Variants in KIRREL3 observed in about 807,000 individuals in gnomAD.
The protein encoded by KIRREL3 is kirre like nephrin family adhesion molecule 3, also known as kin of IRRE-like protein 3.
In KIRREL3, 36 loss-of-function variants were observed where a neutral mutation model predicts 89.7. That is an observed-to-expected ratio of 0.40 (90% CI 0.31 to 0.53). The LOEUF is 0.53. Among genes scored for constraint, KIRREL3 ranks in the 20% least tolerant of loss-of-function variants. The pLI, the probability that KIRREL3 is intolerant of heterozygous loss-of-function variation, is 0.49. For synonymous variants in KIRREL3, 445 were observed against 441.4 expected (o/e 1.01, Z -0.10); for missense variants, 864 against 1,056.6 (o/e 0.82, Z 2.53).
At chr11:126,618,930 A>G (rs1943467254) in intron 1 of KIRREL3, among the ~76,000 whole-genome samples, 1 of 152,198 alleles carries the variant, frequency 6.6e-6, no homozygotes, top group Non-Finnish European at 1.5e-5. Flanking sequence ...AGGAATATTT[A>G]ATACGTGTCC....
At chr11:126,728,482 C>T (rs1344893048) in intron 1 of KIRREL3, among the ~76,000 whole-genome samples, 1 of 152,110 alleles carries the variant, frequency 6.6e-6, no homozygotes, top group African/African-American at 2.4e-5. Context: ...TTACTCACTG[C>T]TTTATTCCCA....
rs1941397355 is a variant in KIRREL3, at chr11:126,578,934, T to C, written c.56-16022A>G. 1.3e-5 allele frequency among the ~76,000 whole-genome samples: 2 copies of C among 152,114 alleles called. No homozygotes were observed. The highest frequency in any genetic ancestry group is 4.1e-4 in the South Asian group (2 of 4,824). ...CTCTCTCACTTATCCTCACCATGCC[T>C]AGAGATGGGACTTTGTCTCCATGTG... On this transcript the variant is annotated intron_variant, in intron 1 of 16. Coordinates refer to ENST00000525144, the MANE Select transcript of KIRREL3 (RefSeq NM_032531.4). The surrounding 1 kb of genome is among the most constrained non-coding windows in gnomAD (Gnocchi z 4.9).
chr11:126,651,194 G>A lies in KIRREL3; in HGVS notation c.56-88282C>T, dbSNP rs148425205. Among the ~76,000 whole-genome samples the A allele has an allele frequency of 2.0e-5, 3 of 152,328 alleles. No individual in the cohort carries two copies. The highest frequency in any genetic ancestry group is 7.2e-5 in the African/African-American group (3 of 41,582). On this transcript the variant is annotated intron_variant, in intron 1 of 16. Coordinates refer to ENST00000525144, the MANE Select transcript of KIRREL3 (RefSeq NM_032531.4). The surrounding 1 kb of genome is among the most constrained non-coding windows in gnomAD (Gnocchi z 4.6). Reference sequence around the variant, plus strand: ...AAAGAACTGCAATCCACGTCTAAATGAGAAAATGGTTCCTTGCTATAGGAT... The same window carrying A: ...AAAGAACTGCAATCCACGTCTAAATAAGAAAATGGTTCCTTGCTATAGGAT...
chr11:126,495,968 A>T lies in KIRREL3; in HGVS notation c.434-22502T>A, dbSNP rs558214844. ...CAGATCATCCTTTCTCAGTATCTGC[A>T]CTGCTACTACCCCAGCGCTCCAGCC... On this transcript the variant is annotated intron_variant, in intron 4 of 16. Transcript: ENST00000525144. This position sits in a 1 kb window ranked among gnomAD's most constrained non-coding sequence, Gnocchi z 6.5. 1.3e-5 allele frequency among the ~76,000 whole-genome samples: 2 copies of T among 152,272 alleles called. No individual in the cohort carries two copies. Among genetic ancestry groups the T allele is most frequent in the South Asian group, 2.1e-4 (1 of 4,826 alleles).
chr11:126,741,694 T>C (rs1425991097), intron 1 of KIRREL3, among the ~76,000 whole-genome samples: 1 of 152,242 alleles, frequency 6.6e-6, no homozygotes, highest in Non-Finnish European at 1.5e-5. Flanking sequence ...GAGAGATCCC[T>C]AAGTGGAGAG....
Position 126,611,111 on chromosome 11 carries a change from G to A in KIRREL3, c.56-48199C>T, listed in dbSNP as rs1024770505. Among the ~76,000 whole-genome samples the A allele has an allele frequency of 6.6e-6, 1 of 152,182 alleles. No individual in the cohort carries two copies. The highest frequency in any genetic ancestry group is 2.4e-5 in the African/African-American group (1 of 41,440). On this transcript the variant is annotated intron_variant, in intron 1 of 16. Coordinates refer to ENST00000525144, the MANE Select transcript of KIRREL3 (RefSeq NM_032531.4). The surrounding 1 kb of genome is among the most constrained non-coding windows in gnomAD (Gnocchi z 4.7). Reference sequence around the variant, plus strand: ...AAATCTGACTCCACTCCTGAGCTGTGTGACTTTGGGGAAGTTCCTCAACTG... The same window carrying A: ...AAATCTGACTCCACTCCTGAGCTGTATGACTTTGGGGAAGTTCCTCAACTG...
rs1948239243 is a variant in KIRREL3 at position 126,723,038 on chromosome 11, A to AGAT, written c.56-160127_56-160126insATC. Among the ~76,000 whole-genome samples, 1 of 151,972 alleles carries AGAT rather than the reference A, an allele frequency of 6.6e-6. No homozygotes were observed. The highest frequency in any genetic ancestry group is 6.6e-5 in the Admixed American group (1 of 15,234). ...TGGCCTTTCTTCATCTATTCCTCTTACAGTCTTCTGTGGCTGCACATAGTG... is the reference window on the plus strand; with the variant it reads ...TGGCCTTTCTTCATCTATTCCTCTTAGATCAGTCTTCTGTGGCTGCACATAGTG... On this transcript the variant is annotated intron_variant, in intron 1 of 16. Transcript: ENST00000525144. The surrounding 1 kb of genome is among the most constrained non-coding windows in gnomAD (Gnocchi z 4.0).
chr11:126,661,074 C>T (rs982119675), intron 1 of KIRREL3, among the ~76,000 whole-genome samples: 2 of 152,000 alleles, frequency 1.3e-5, no homozygotes, highest in Admixed American at 6.5e-5. Context: ...GGTGAAATAC[C>T]CCAAATAGAT....
In KIRREL3 at chr11:126,606,184, T is replaced by G. The variant is rs1330134856; in HGVS notation, c.56-43272A>C. Among the ~76,000 whole-genome samples, 1 of 152,218 alleles carries G rather than the reference T, an allele frequency of 6.6e-6. No individual in the cohort carries two copies. Among genetic ancestry groups the G allele is most frequent in the Non-Finnish European group, 1.5e-5 (1 of 68,036 alleles). Reference sequence around the variant, plus strand: ...AAGCTCTTAGCAGGCACCCAGCATCTAAAGCACTCAAATCAGAGTCACTAG... The same window carrying G: ...AAGCTCTTAGCAGGCACCCAGCATCGAAAGCACTCAAATCAGAGTCACTAG... On this transcript the variant is annotated intron_variant, in intron 1 of 16. Transcript: ENST00000525144. This position sits in a 1 kb window ranked among gnomAD's most constrained non-coding sequence, Gnocchi z 4.6.
In KIRREL3 at chr11:126,576,992, T is replaced by C. The variant is rs1565565127; in HGVS notation, c.56-14080A>G. Among the ~76,000 whole-genome samples, 1 of 152,160 alleles carries C rather than the reference T, an allele frequency of 6.6e-6. No individual in the cohort carries two copies. Among genetic ancestry groups the C allele is most frequent in the East Asian group, 1.9e-4 (1 of 5,186 alleles). ...TGAGAAAACTGAGGCTGAGAGAGGC[T>C]CAAGGGCTCCCATAACTGAAGACCC... On this transcript the variant is annotated intron_variant, in intron 1 of 16. Coordinates refer to ENST00000525144, the MANE Select transcript of KIRREL3 (RefSeq NM_032531.4). This position sits in a 1 kb window ranked among gnomAD's most constrained non-coding sequence, Gnocchi z 5.4.
In KIRREL3 at chr11:126,896,893, A is replaced by C. The variant is rs1259084836; in HGVS notation, c.55+103562T>G. On this transcript the variant is annotated intron_variant, in intron 1 of 16. Coordinates refer to ENST00000525144, the MANE Select transcript of KIRREL3 (RefSeq NM_032531.4). The surrounding 1 kb of genome is among the most constrained non-coding windows in gnomAD (Gnocchi z 4.1). ...ATCATGTGCTTCACACGCAGTGGGG[A>C]TCTTAACAGGCATTGCCATTTCTTT... Among the ~76,000 whole-genome samples the C allele has an allele frequency of 6.6e-6, 1 of 151,994 alleles. No individual in the cohort carries two copies. Among genetic ancestry groups the C allele is most frequent in the Non-Finnish European group, 1.5e-5 (1 of 68,020 alleles).
chr11:126,452,852 G>A (rs932851432), intron 7 of KIRREL3, among the ~76,000 whole-genome samples: 1 of 152,196 alleles, frequency 6.6e-6, no homozygotes, highest in South Asian at 2.1e-4. Context: ...TCGCCCAGCC[G>A]GTCTTTCTTC....
rs1275561239 is a variant in KIRREL3, at chr11:126,569,539, T to TA, written c.56-6628_56-6627insT. ...CAAGAGAAAAAAATAGTAGGCAAAC[T>TA]TCCTAGCCCAAAGATACTATAATCC... On this transcript the variant is annotated intron_variant, in intron 1 of 16. Coordinates refer to ENST00000525144, the MANE Select transcript of KIRREL3 (RefSeq NM_032531.4). This position sits in a 1 kb window ranked among gnomAD's most constrained non-coding sequence, Gnocchi z 6.5. 6.6e-6 allele frequency among the ~76,000 whole-genome samples: 1 copy of TA among 152,206 alleles called. No individual in the cohort carries two copies. The highest frequency in any genetic ancestry group is 1.9e-4 in the East Asian group (1 of 5,196).
chr11:126,852,086 C>G (rs1486872034), intron 1 of KIRREL3, among the ~76,000 whole-genome samples: 2 of 136,902 alleles, frequency 1.5e-5, no homozygotes, highest in Non-Finnish European at 3.0e-5. Context: ...CAGAGTCTAG[C>G]ACTGTCTCCC....
rs775717395 is a variant in KIRREL3, at chr11:126,890,148, T to TA, written c.55+110306dup. 4.9e-4 allele frequency among the ~76,000 whole-genome samples: 75 copies of TA among 152,266 alleles called. No homozygotes were observed. Among genetic ancestry groups the TA allele is most frequent in the Non-Finnish European group, 9.6e-4 (65 of 68,018 alleles). On this transcript the variant is annotated intron_variant, in intron 1 of 16. Transcript: ENST00000525144. This position sits in a 1 kb window ranked among gnomAD's most constrained non-coding sequence, Gnocchi z 5.1. ...TTAAATTCTTGAGTTAAAATGAAGA[T>TA]AAAATTATTGGGGAGGTGGGGATAG... is the stretch of plus-strand genomic sequence containing the variant.
rs1435521780 is a variant in KIRREL3 at position 126,520,802 on chromosome 11, A to G, written c.433+513T>C. On this transcript the variant is annotated intron_variant, in intron 4 of 16. Coordinates refer to ENST00000525144, the MANE Select transcript of KIRREL3 (RefSeq NM_032531.4). This position sits in a 1 kb window ranked among gnomAD's most constrained non-coding sequence, Gnocchi z 4.9. ...GACCTGTCAGCCAGGATTCCCAGGG[A>G]GCAATGAGGGGTGGAGAAGTCACGG... Among the ~76,000 whole-genome samples, 3 of 152,074 alleles carry G rather than the reference A, an allele frequency of 2.0e-5. No homozygotes were observed. The highest frequency in any genetic ancestry group is 7.2e-5 in the African/African-American group (3 of 41,418).
chr11:126,560,540 C>T (rs1018142843), intron 2 of KIRREL3, among the ~76,000 whole-genome samples: 1 of 152,206 alleles, frequency 6.6e-6, no homozygotes, highest in Non-Finnish European at 1.5e-5. Flanking sequence ...TTTCCTCTTG[C>T]TCCTTCTCAA....
rs1946249198 is a variant in KIRREL3, at chr11:126,677,516, A to T, written c.56-114604T>A. ...AACCCCATTTTAGTTGAGAGTGCTG[A>T]GGTTCGGAGGTGAAATGACTTGTCA... is the stretch of plus-strand genomic sequence containing the variant. On this transcript the variant is annotated intron_variant, in intron 1 of 16. Transcript: ENST00000525144. This position sits in a 1 kb window ranked among gnomAD's most constrained non-coding sequence, Gnocchi z 5.1. Among the ~76,000 whole-genome samples, 1 of 152,126 alleles carries T rather than the reference A, an allele frequency of 6.6e-6. No homozygotes were observed. Among genetic ancestry groups the T allele is most frequent in the Non-Finnish European group, 1.5e-5 (1 of 68,006 alleles).
rs1394117096 is a variant in KIRREL3, at chr11:126,970,701, C to T, written c.55+29754G>A. On this transcript the variant is annotated intron_variant, in intron 1 of 16. Transcript: ENST00000525144. This position sits in a 1 kb window ranked among gnomAD's most constrained non-coding sequence, Gnocchi z 4.4. ...TATTATATGTAAAATGATAAACATACAGCATTTCAACCACATCCCTAGTTA... is the reference window on the plus strand; with the variant it reads ...TATTATATGTAAAATGATAAACATATAGCATTTCAACCACATCCCTAGTTA... Among the ~76,000 whole-genome samples the T allele has an allele frequency of 6.6e-6, 1 of 152,142 alleles. No individual in the cohort carries two copies. The highest frequency in any genetic ancestry group is 1.5e-5 in the Non-Finnish European group (1 of 68,016).
Sources: allele counts gnomAD v4.1 joint callset (sites outside exome capture counted in the v4.1 genomes callset), GRCh38; gene constraint gnomAD v4.1.1; non-coding constraint Gnocchi (gnomAD v3.1); transcripts MANE v1.5; gene names NCBI Gene and HGNC (gene_info 2026-07-23, HGNC 2026-07-21).